The following AMPH variants were observed in gnomAD, a reference collection of about 807,000 sequenced individuals.
The protein encoded by AMPH is amphiphysin.
Under a neutral mutation model 99.1 loss-of-function variants are expected in AMPH, and 49 were observed. The observed-to-expected ratio is 0.49, with a 90% CI of 0.39 to 0.63. AMPH has a LOEUF of 0.63. Among genes scored for constraint, AMPH ranks in the 20% least tolerant of loss-of-function variants. The probability of loss-of-function intolerance (pLI) is 0.00; values close to 1 mark genes in which losing one functional copy is unlikely to be tolerated. For synonymous variants in AMPH, 314 were observed against 317.3 expected (o/e 0.99, Z 0.11); for missense variants, 759 against 863.4 (o/e 0.88, Z 1.52).
chr7:38,526,261 T>C (rs7785965), intron 2 of AMPH, among the ~76,000 whole-genome samples: 48,905 of 151,130 alleles, frequency 0.32, 8,394 homozygotes, highest in Middle Eastern at 0.36. Flanking sequence ...TATATATTCA[T>C]GGTTTCTTTT....
At chr7:38,544,309 C>A (rs991488970) in intron 1 of AMPH, among the ~76,000 whole-genome samples, 1 of 152,166 alleles carries the variant, frequency 6.6e-6, no homozygotes, top group African/African-American at 2.4e-5. Flanking sequence ...CTTAGAGGAA[C>A]CTAATTAGCC....
intron 1 of AMPH, among the ~76,000 whole-genome samples, chr7:38,600,593 A>C (rs575418219): frequency 6.6e-6 from 1 of 152,322 alleles, no homozygotes; most frequent in African/African-American, 2.4e-5. Context: ...GAACCATAGG[A>C]AAATGTCAAT....
intron 12 of AMPH, among the ~76,000 whole-genome samples, chr7:38,433,744 A>AAAAAAAAAAAAAAAAGAAG (rs1562751901): frequency 6.8e-6 from 1 of 147,404 alleles, no homozygotes; most frequent in African/African-American, 2.6e-5. Flanking sequence ...AAAAAAAAAA[A>AAAAAAAAAAAAAAAAGAAG]AAGAATCAAA....
rs1562749056 is a variant in AMPH at position 38,430,002 on chromosome 7, G to T, written c.1159-137C>A. 3 of 793,444 alleles carry T rather than the reference G, an allele frequency of 3.8e-6. No homozygotes were observed. In the South Asian group the frequency reaches 7.1e-5, roughly 19 times the overall value. The allele number at this position is 793,444 out of a possible 1,614,324, so 49.2% of individuals were successfully genotyped here. ...GGTTTAGGAACAAATTTTACAACTT[G>T]TTTTGTGATAGGAATGATTTTTGTT... On this transcript the variant is annotated intron_variant, in intron 13 of 20. Transcript: ENST00000356264.
rs147857992 is a variant in AMPH, at chr7:38,619,815, G to A, written c.69+11468C>T. On this transcript the variant is annotated intron_variant, in intron 1 of 20. Transcript: ENST00000356264. Reference sequence around the variant, plus strand: ...ATGCCAGTGGTCCCCATGGTCACAAGCATTTTGTAAAGGGATGGAAACAGA... The same window carrying A: ...ATGCCAGTGGTCCCCATGGTCACAAACATTTTGTAAAGGGATGGAAACAGA... Among the ~76,000 whole-genome samples, 38 of 152,240 alleles carry A rather than the reference G, an allele frequency of 2.5e-4. No individual in the cohort carries two copies. The East Asian group carries it at 7.1e-3, about 29-fold the overall frequency.
chr7:38,624,537 C>A, intron 1 of AMPH, among the ~76,000 whole-genome samples: 1 of 142,334 alleles, frequency 7.0e-6, no homozygotes, highest in African/African-American at 2.7e-5. Flanking sequence ...CTGCTCACTA[C>A]AGTCATGGTA....
chr7:38,458,290 T>C (rs866612356), intron 11 of AMPH, among the ~76,000 whole-genome samples: 1 of 152,058 alleles, frequency 6.6e-6, no homozygotes, highest in African/African-American at 2.4e-5. Flanking sequence ...CCCAACCCTA[T>C]CAATACCAGT....
At chr7:38,561,609 C>T (rs1370183585) in intron 1 of AMPH, among the ~76,000 whole-genome samples, 1 of 152,200 alleles carries the variant, frequency 6.6e-6, no homozygotes, top group African/African-American at 2.4e-5. Flanking sequence ...AAAGGTGGAA[C>T]CACTTCCGGT....
intron 11 of AMPH, among the ~76,000 whole-genome samples, chr7:38,449,892 G>A (rs1230780604): frequency 5.3e-5 from 8 of 152,170 alleles, no homozygotes; most frequent in Admixed American, 5.2e-4. Flanking sequence ...GTTCATAACT[G>A]CAGGCTGGCC....
intron 7 of AMPH, among the ~76,000 whole-genome samples, chr7:38,474,505 CT>C: frequency 6.6e-6 from 1 of 152,174 alleles, no homozygotes; most frequent in East Asian, 1.9e-4. Context: ...AGTATAGACC[CT>C]CAAAATGCTT....
chr7:38,617,982 T>C (rs1793932538), intron 1 of AMPH, among the ~76,000 whole-genome samples: 1 of 152,196 alleles, frequency 6.6e-6, no homozygotes, highest in South Asian at 2.1e-4. Flanking sequence ...CTTATATTAC[T>C]TTACTTTATG....
At chr7:38,446,392 C>A (rs939726876) in intron 11 of AMPH, among the ~76,000 whole-genome samples, 1 of 152,160 alleles carries the variant, frequency 6.6e-6, no homozygotes. Context: ...TTATAATAGT[C>A]AAAAATTGGA....
intron 1 of AMPH, among the ~76,000 whole-genome samples, chr7:38,606,325 A>G (rs1793432999): frequency 6.6e-6 from 1 of 152,154 alleles, no homozygotes; most frequent in Admixed American, 6.5e-5. Context: ...CTAGTTCCGG[A>G]ATATTTTCAT....
intron 11 of AMPH, among the ~76,000 whole-genome samples, chr7:38,460,670 G>A (rs1232018272): frequency 4.6e-5 from 7 of 152,196 alleles, no homozygotes. Context: ...GGAGATAGAG[G>A]ATAGAATAAT....
chr7:38,389,980 C>T, intron 19 of AMPH, 75 bp from the exon 20 acceptor site: 2 of 1,151,882 alleles, frequency 1.7e-6, no homozygotes, highest in South Asian at 2.5e-5. Context: ...AGTCACTCTC[C>T]AACCTGGATG....
intron 1 of AMPH, among the ~76,000 whole-genome samples, chr7:38,563,159 A>ATGAG (rs1791616314): frequency 6.6e-6 from 1 of 152,100 alleles, no homozygotes; most frequent in Admixed American, 6.6e-5. Flanking sequence ...GAATGAATGA[A>ATGAG]TGAATGAGTG....
At chr7:38,575,599 C>T (rs1684512949) in intron 1 of AMPH, among the ~76,000 whole-genome samples, 1 of 152,188 alleles carries the variant, frequency 6.6e-6, no homozygotes, top group Non-Finnish European at 1.5e-5. Context: ...TTAAACCTCT[C>T]CTTCCTGCTG....
intron 11 of AMPH, among the ~76,000 whole-genome samples, chr7:38,451,375 T>TATATACATATAC (rs1787020832): frequency 6.6e-6 from 1 of 151,390 alleles, no homozygotes; most frequent in African/African-American, 2.4e-5. Flanking sequence ...TATATGTGTA[T>TATATACATATAC]ATACACATGT....
chr7:38,450,136 T>C (rs1028599924), intron 11 of AMPH, among the ~76,000 whole-genome samples: 2 of 152,220 alleles, frequency 1.3e-5, no homozygotes, highest in Non-Finnish European at 2.9e-5. Flanking sequence ...ATGGTAGGCA[T>C]TCCTATGGCG....
Sources: gnomAD v4.1 joint callset for allele counts (sites outside exome capture counted in the v4.1 genomes callset) on GRCh38, gnomAD v4.1.1 for gene constraint, MANE v1.5 for transcripts, NCBI Gene and HGNC (gene_info 2026-07-23, HGNC 2026-07-21) for gene names.